The following DIP2C variants were observed in gnomAD, a reference collection of about 807,000 sequenced individuals.
DIP2C encodes the protein disco-interacting protein 2 homolog C.
A neutral mutation model predicts 192.4 loss-of-function variants in DIP2C; 33 were observed. That is an observed-to-expected ratio of 0.17 (90% CI 0.13 to 0.23). DIP2C has a LOEUF of 0.23. DIP2C is among the 10% of genes least tolerant of loss of function. DIP2C has a pLI of 1.00. For synonymous variants in DIP2C, 979 were observed against 864.1 expected (o/e 1.13, Z -2.33); for missense variants, 1,537 against 2,110.1 (o/e 0.73, Z 5.32).
At chr10:309,559 T>TC (rs1299941278) in intron 32 of DIP2C, among the ~76,000 whole-genome samples, 1 of 147,684 alleles carries the variant, frequency 6.8e-6, no homozygotes, top group Admixed American at 6.6e-5. Flanking sequence ...CAACAGAGTT[T>TC]CTTTTTTTTT....
Position 424,282 on chromosome 10 carries a change from G to A in DIP2C, c.395-1249C>T, listed in dbSNP as rs1054420292. Among the ~76,000 whole-genome samples, 57 of 121,254 alleles carry A rather than the reference G, an allele frequency of 4.7e-4. 1 individual carries two copies. Among genetic ancestry groups the A allele is most frequent in the Non-Finnish European group, 8.6e-4 (50 of 58,440 alleles). The allele number at this position is 121,254 out of a possible 152,430, so 79.5% of individuals were successfully genotyped here. A position where few individuals can be genotyped will look rare whatever the true frequency, so the allele number is the denominator to read the frequency against. On this transcript the variant is annotated intron_variant, in intron 4 of 36. Transcript: ENST00000280886. ...CACTGTCACATGACTTATGCTGTCTGGGAATTTTTTTAAAAGTTTACTTGT... is the reference window on the plus strand; with the variant it reads ...CACTGTCACATGACTTATGCTGTCTAGGAATTTTTTTAAAAGTTTACTTGT...
chr10:441,475 T>C (rs1314538507), intron 3 of DIP2C, among the ~76,000 whole-genome samples: 1 of 152,206 alleles, frequency 6.6e-6, no homozygotes. Flanking sequence ...ACTTGAATTA[T>C]ATCTCCCAGA....
intron 1 of DIP2C, among the ~76,000 whole-genome samples, chr10:590,460 C>A (rs1016957778): frequency 4.6e-5 from 7 of 152,228 alleles, no homozygotes; most frequent in Admixed American, 3.9e-4. Flanking sequence ...CGAACCCACG[C>A]CGAACCTCAG....
At chr10:663,793 A>C (rs562573176) in intron 1 of DIP2C, 1 of 152,002 alleles carries the variant, frequency 6.6e-6, no homozygotes, top group Admixed American at 6.5e-5. Context: ...CCACCACTTA[A>C]GGCAGCGGCT....
chr10:278,514 T>TG (rs1207574150), intron 36 of DIP2C, among the ~76,000 whole-genome samples: 1 of 152,222 alleles, frequency 6.6e-6, no homozygotes, highest in Non-Finnish European at 1.5e-5. Context: ...GAGCCACCAG[T>TG]CCTGTGCCCA....
At chr10:410,559 G>C (rs1019745944) in intron 8 of DIP2C, among the ~76,000 whole-genome samples, 24 of 152,100 alleles carry the variant, frequency 1.6e-4, no homozygotes, top group African/African-American at 5.1e-4. Context: ...ATTATTTTGT[G>C]GCTTCAGATT....
intron 28 of DIP2C, among the ~76,000 whole-genome samples, chr10:341,808 G>C (rs1432506411): frequency 6.6e-6 from 1 of 152,200 alleles, no homozygotes; most frequent in East Asian, 1.9e-4. Flanking sequence ...GAGCCCAGGA[G>C]TTCCCGGCTG....
intron 1 of DIP2C, among the ~76,000 whole-genome samples, chr10:617,879 T>C (rs1030819487): frequency 6.6e-6 from 1 of 152,060 alleles, no homozygotes; most frequent in African/African-American, 2.4e-5. Context: ...GGCACTCATC[T>C]GTTCCTTATT....
chr10:359,242 C>T (rs553919639), intron 22 of DIP2C, among the ~76,000 whole-genome samples: 17 of 152,324 alleles, frequency 1.1e-4, no homozygotes, highest in Non-Finnish European at 2.2e-4. Flanking sequence ...GTCCTCTAGC[C>T]GGCCCCCAGG....
chr10:656,042 C>T (rs550583257), intron 1 of DIP2C, among the ~76,000 whole-genome samples: 1 of 133,718 alleles, frequency 7.5e-6, no homozygotes, highest in Non-Finnish European at 1.6e-5. Context: ...ATAGAACACT[C>T]TATTTGTCCT....
At chr10:591,525 A>C (rs916096085) in intron 1 of DIP2C, among the ~76,000 whole-genome samples, 2 of 152,236 alleles carry the variant, frequency 1.3e-5, no homozygotes, top group African/African-American at 2.4e-5. Flanking sequence ...CCAGTTACCC[A>C]TTTGAAGTAC....
chr10:421,907 G>GCGTTTT (rs1966211341), intron 5 of DIP2C, among the ~76,000 whole-genome samples: 1 of 152,160 alleles, frequency 6.6e-6, no homozygotes, highest in Non-Finnish European at 1.5e-5. Context: ...AGCGACCAAG[G>GCGTTTT]GGCTGAGACC....
At chr10:364,965 G>T in intron 19 of DIP2C, 1 of 533,714 alleles carries the variant, frequency 1.9e-6, no homozygotes, top group Non-Finnish European at 3.8e-6. Flanking sequence ...ACGTCTGTTA[G>T]TTTTAAAGTA....
At chr10:527,565 T>C (rs1245107150) in intron 1 of DIP2C, among the ~76,000 whole-genome samples, 1 of 152,198 alleles carries the variant, frequency 6.6e-6, no homozygotes, top group African/African-American at 2.4e-5. Context: ...ATGGAACCGA[T>C]TACAAATGTA....
rs554180985 is a variant in DIP2C at position 494,438 on chromosome 10, C to T, written c.86-7908G>A. 3.9e-5 allele frequency among the ~76,000 whole-genome samples: 6 copies of T among 152,324 alleles called. No individual in the cohort carries two copies. In the East Asian group the frequency reaches 1.2e-3, roughly 29 times the overall value. ...CCTATTTTAGAAGCACACACTCCCT[C>T]ACCCAGAGTCTGACTTTAAGTCTCT... On this transcript the variant is annotated intron_variant, in intron 1 of 36. Coordinates refer to ENST00000280886, the MANE Select transcript of DIP2C (RefSeq NM_014974.3).
chr10:382,875 G>A (rs928105035), intron 16 of DIP2C, 114 bp from the exon 17 acceptor site: 19 of 595,338 alleles, frequency 3.2e-5, no homozygotes, highest in Non-Finnish European at 5.0e-5. Flanking sequence ...GATCTAGGCA[G>A]CGTGGAAAAA....
intron 1 of DIP2C, among the ~76,000 whole-genome samples, chr10:497,571 G>T (rs144382620): frequency 6.6e-6 from 1 of 152,320 alleles, no homozygotes; most frequent in Non-Finnish European, 1.5e-5. Flanking sequence ...TCTTCTTCCA[G>T]ACGCTCATAC....
chr10:563,924 G>T (rs1353940484), intron 1 of DIP2C, among the ~76,000 whole-genome samples: 2 of 152,192 alleles, frequency 1.3e-5, no homozygotes. Flanking sequence ...CACTGCTGAG[G>T]TCGCTCATTC....
chr10:661,107 G>C (rs1256743749), intron 1 of DIP2C, among the ~76,000 whole-genome samples: 1 of 152,214 alleles, frequency 6.6e-6, no homozygotes, highest in African/African-American at 2.4e-5. Flanking sequence ...CAGTAACCCT[G>C]AGTCAACACG....
Sources: gnomAD v4.1 joint callset for allele counts (sites outside exome capture counted in the v4.1 genomes callset) on GRCh38, gnomAD v4.1.1 for gene constraint, MANE v1.5 for transcripts, NCBI Gene and HGNC (gene_info 2026-07-23, HGNC 2026-07-21) for gene names.